ARL15: variants seen among roughly 807,000 people sequenced by gnomAD.
The protein encoded by ARL15 is ARF like GTPase 15.
Under a neutral mutation model 25.2 loss-of-function variants are expected in ARL15, and 19 were observed. That is an observed-to-expected ratio of 0.75 (90% CI 0.53 to 1.10). The LOEUF (loss-of-function observed/expected upper bound fraction) is 1.10. Ranked by LOEUF, ARL15 falls within the 50% of genes least tolerant of loss-of-function variation. ARL15 has a pLI of 0.00. For synonymous variants in ARL15, 94 were observed against 86.8 expected (o/e 1.08, Z -0.46); for missense variants, 220 against 246.0 (o/e 0.89, Z 0.71).
chr5:54,148,618 A>G (rs1753977914), intron 3 of ARL15, among the ~76,000 whole-genome samples: 1 of 152,216 alleles, frequency 6.6e-6, no homozygotes, highest in Non-Finnish European at 1.5e-5. Context: ...GAATCATAAA[A>G]GACAGCCAGC....
chr5:54,217,564 C>T (rs1158135089), intron 1 of ARL15, among the ~76,000 whole-genome samples: 1 of 152,088 alleles, frequency 6.6e-6, no homozygotes, highest in Non-Finnish European at 1.5e-5. Context: ...TCTTCATCTA[C>T]AAGTTAGTTG....
chr5:54,022,359 T>A (rs1749632796), intron 4 of ARL15, among the ~76,000 whole-genome samples: 1 of 151,972 alleles, frequency 6.6e-6, no homozygotes, highest in South Asian at 2.1e-4. Context: ...CTGTCTCTCA[T>A]CTCTTGCCCC....
intron 4 of ARL15, among the ~76,000 whole-genome samples, chr5:54,040,601 AT>A (rs1177500332): frequency 6.6e-6 from 1 of 152,210 alleles, no homozygotes; most frequent in Admixed American, 6.5e-5. Flanking sequence ...TGCATTCATT[AT>A]GTTTTTTAAA....
chr5:54,183,648 G>C (rs1755132254), intron 1 of ARL15, among the ~76,000 whole-genome samples: 1 of 151,284 alleles, frequency 6.6e-6, no homozygotes, highest in East Asian at 2.0e-4. Context: ...TTACACTGTT[G>C]GTGGGACTGT....
intron 1 of ARL15, chr5:54,286,217 A>G (rs1233533299): frequency 1.3e-5 from 2 of 152,202 alleles, no homozygotes; most frequent in Non-Finnish European, 2.9e-5. Flanking sequence ...TCAAATTAGG[A>G]GAAAGGATGA....
At chr5:54,062,767 A>G (rs6895649) in intron 4 of ARL15, among the ~76,000 whole-genome samples, 46,987 of 152,070 alleles carry the variant, frequency 0.31, 9,552 homozygotes, top group African/African-American at 0.58. Flanking sequence ...GAAAGCTAAA[A>G]GTTAACAGGA....
intron 4 of ARL15, among the ~76,000 whole-genome samples, chr5:53,996,547 A>AG (rs1326861044): frequency 7.2e-6 from 1 of 139,650 alleles, no homozygotes; most frequent in Non-Finnish European, 1.5e-5. Context: ...TGAACCCGGG[A>AG]GGCGGAGGTT....
chr5:54,059,942 T>C (rs184767242), intron 4 of ARL15, among the ~76,000 whole-genome samples: 84 of 152,146 alleles, frequency 5.5e-4, no homozygotes, highest in Non-Finnish European at 2.8e-4. Context: ...CACTGGACCC[T>C]TGGTGATAAT....
chr5:54,129,697 T>G (rs561120232), intron 3 of ARL15, among the ~76,000 whole-genome samples: 1 of 152,276 alleles, frequency 6.6e-6, no homozygotes, highest in South Asian at 2.1e-4. Flanking sequence ...TTTGAACATA[T>G]AAATGTAACA....
intron 2 of ARL15, among the ~76,000 whole-genome samples, chr5:54,169,488 A>G (rs901877072): frequency 1.1e-4 from 16 of 152,176 alleles, no homozygotes; most frequent in Non-Finnish European, 2.1e-4. Flanking sequence ...ATGTCACCAT[A>G]CCTTTGATCT....
chr5:54,135,927 T>C (rs1435435656), intron 3 of ARL15, among the ~76,000 whole-genome samples: 1 of 152,186 alleles, frequency 6.6e-6, no homozygotes, highest in Admixed American at 6.5e-5. Context: ...GTTAGACCAC[T>C]GCCCACTGCA....
intron 4 of ARL15, among the ~76,000 whole-genome samples, chr5:53,988,792 G>A (rs1748386181): frequency 6.6e-6 from 1 of 152,196 alleles, no homozygotes; most frequent in African/African-American, 2.4e-5. Flanking sequence ...GCTGCCGATA[G>A]ATGAGTTCCC....
intron 1 of ARL15, among the ~76,000 whole-genome samples, chr5:54,259,363 T>C (rs1268060773): frequency 1.3e-5 from 2 of 152,158 alleles, no homozygotes; most frequent in East Asian, 1.9e-4. Context: ...GAAATAGATA[T>C]ATAAGTAAAC....
chr5:54,088,305 G>T (rs1376761461), intron 4 of ARL15, among the ~76,000 whole-genome samples: 3 of 152,170 alleles, frequency 2.0e-5, no homozygotes, highest in Non-Finnish European at 4.4e-5. Context: ...GTCATATGGG[G>T]TTGTCAAAAC....
intron 4 of ARL15, among the ~76,000 whole-genome samples, chr5:54,095,375 G>T (rs2112158943): frequency 6.6e-6 from 1 of 152,214 alleles, no homozygotes; most frequent in South Asian, 2.1e-4. Context: ...ATAGCCCCGT[G>T]CCTTTTCTTA....
intron 4 of ARL15, among the ~76,000 whole-genome samples, chr5:54,044,497 G>C (rs1420035978): frequency 6.6e-6 from 1 of 151,954 alleles, no homozygotes; most frequent in Non-Finnish European, 1.5e-5. Context: ...CACCCGCCTT[G>C]GCCTCCCAAA....
At chr5:53,992,180 A>G (rs1007075191) in intron 4 of ARL15, among the ~76,000 whole-genome samples, 3 of 152,198 alleles carry the variant, frequency 2.0e-5, no homozygotes, top group African/African-American at 7.2e-5. Flanking sequence ...ACCTCAATCT[A>G]GTAATGCACT....
chr5:54,261,005 G>T (rs980474305), intron 1 of ARL15, among the ~76,000 whole-genome samples: 3 of 152,146 alleles, frequency 2.0e-5, no homozygotes, highest in Non-Finnish European at 4.4e-5. Flanking sequence ...CCCCGCTTCT[G>T]ATCTAAACCC....
chr5:54,186,979 T>A (rs911966854), intron 1 of ARL15, among the ~76,000 whole-genome samples: 1 of 151,718 alleles, frequency 6.6e-6, no homozygotes, highest in Non-Finnish European at 1.5e-5. Context: ...TAAAAAGGGA[T>A]GTCCTCATTT....
Sources: gnomAD v4.1 joint callset for allele counts (sites outside exome capture counted in the v4.1 genomes callset) on GRCh38, gnomAD v4.1.1 for gene constraint, MANE v1.5 for transcripts, NCBI Gene and HGNC (gene_info 2026-07-23, HGNC 2026-07-21) for gene names.